The following NKAIN4 variants were observed in gnomAD, a reference collection of about 807,000 sequenced individuals.
The protein encoded by NKAIN4 is sodium/potassium transporting ATPase interacting 4.
Under a neutral mutation model 28.8 loss-of-function variants are expected in NKAIN4, and 28 were observed. The observed-to-expected ratio is 0.97, with a 90% CI of 0.72 to 1.33. The LOEUF (loss-of-function observed/expected upper bound fraction) is 1.33, where lower values mean the gene tolerates loss of function less well. NKAIN4 is among the 40% of genes most tolerant of loss of function. The pLI is 0.00. For synonymous variants in NKAIN4, 122 were observed against 115.6 expected, an observed-to-expected ratio of 1.06 and a Z score of -0.36; for missense variants, 289 against 277.2, an observed-to-expected ratio of 1.04 and a Z score of -0.30.
chr20:63,244,597 A>G, intron 4 of NKAIN4: 1 of 468,782 alleles, frequency 2.1e-6, no homozygotes, highest in Non-Finnish European at 4.4e-6. Context: ...CTCGGGGTCC[A>G]GCGGGCAACT....
intron 6 of NKAIN4, among the ~76,000 whole-genome samples, chr20:63,242,204 C>A (rs2066765769): frequency 1.3e-5 from 2 of 152,260 alleles, no homozygotes; most frequent in South Asian, 4.1e-4. Context: ...CCCTACAGCA[C>A]CCCCATGCCG....
At chr20:63,248,024 C>A in intron 3 of NKAIN4, 1 of 408,576 alleles carries the variant, frequency 2.4e-6, no homozygotes, top group East Asian at 3.9e-5. Flanking sequence ...GCCTCCCTGC[C>A]CAGACCCCAG....
In NKAIN4 at chr20:63,248,839, G is replaced by A; in HGVS notation, c.249C>T (p.Tyr83=). The A allele has an allele frequency of 6.2e-7, 1 of 1,612,706 alleles. No homozygotes were observed. Among genetic ancestry groups the A allele is most frequent in the Middle Eastern group, 1.6e-4 (1 of 6,062 alleles). The change falls in exon 3 of 7, where the codon TAC becomes TAT. Residue 83 remains tyrosine (Y), a synonymous_variant. Transcript: ENST00000370316. The part of the protein sequence containing the change: ...VTWNVFIICF[Y]LEVGGLLKDS... ...CCTTTAAGAGGCCACCGACTTCCAG[G>A]TAGAAGCAGATGATGAAGACGTTCC...
chr20:63,249,632 G>A (rs1282479506), intron 2 of NKAIN4, among the ~76,000 whole-genome samples: 1 of 152,320 alleles, frequency 6.6e-6, no homozygotes, highest in African/African-American at 2.4e-5. Flanking sequence ...CATCTGTAAA[G>A]CAGGGATCGT....
intron 4 of NKAIN4, chr20:63,246,579 C>G: frequency 3.0e-6 from 3 of 985,420 alleles, no homozygotes; most frequent in Non-Finnish European, 3.6e-6. Context: ...TCAGCTCCCA[C>G]CGCCAGCCGC....
Position 63,246,935 on chromosome 20 carries a change from G to A in NKAIN4, c.471+643C>T, listed in dbSNP as rs923986822. 1.6e-5 allele frequency: 16 copies of A among 985,942 alleles called. No homozygotes were observed. The South Asian group carries it at 5.6e-4, about 35-fold the overall frequency. The allele number at this position is 985,942 out of a possible 1,614,324, so 61.1% of individuals were successfully genotyped here. A position where few individuals can be genotyped will look rare whatever the true frequency, so the allele number is the denominator to read the frequency against. On this transcript the variant is annotated intron_variant, in intron 4 of 6. Coordinates refer to ENST00000370316, the MANE Select transcript of NKAIN4 (RefSeq NM_152864.4). ...GGAAGTGGCCGTGTGGCCATACCAG[G>A]AGCAGCATCGTAGCCCCTGTTCTCT... is the stretch of plus-strand genomic sequence containing the variant.
At position 63,248,926 on chromosome 20, in the gene NKAIN4, G is replaced by A. The variant is rs377071925; in HGVS notation, c.193-31C>T. On this transcript the variant is annotated intron_variant, in intron 2 of 6. Transcript: ENST00000370316. ...GAGAGGAGAGGATGGGGCGGCAGCTGAACACAGCTCCCGGGCACACCTGCT... is the reference window on the plus strand; with the variant it reads ...GAGAGGAGAGGATGGGGCGGCAGCTAAACACAGCTCCCGGGCACACCTGCT... 1.0e-4 allele frequency: 149 copies of A among 1,476,344 alleles called. 1 individual carries two copies. Among genetic ancestry groups the A allele is most frequent in the Non-Finnish European group, 1.3e-4 (133 of 1,057,496 alleles). The allele number at this position is 1,476,344 out of a possible 1,614,324, so 91.5% of individuals were successfully genotyped here.
intron 1 of NKAIN4, chr20:63,253,355 C>T: frequency 1.0e-6 from 1 of 985,406 alleles, no homozygotes; most frequent in Non-Finnish European, 1.2e-6. Flanking sequence ...AGGAAGGACA[C>T]GATGCCTCCG....
intron 1 of NKAIN4, chr20:63,253,069 G>T: frequency 3.1e-6 from 1 of 324,912 alleles, no homozygotes; most frequent in Non-Finnish European, 4.4e-6. Context: ...CTCCAAACTG[G>T]GGTACCGTCC....
In NKAIN4 at chr20:63,243,739, G is replaced by A. The variant is rs1459393186; in HGVS notation, c.532+285C>T. On this transcript the variant is annotated intron_variant, in intron 5 of 6. Coordinates refer to ENST00000370316, the MANE Select transcript of NKAIN4 (RefSeq NM_152864.4). ...CAGTCTGAGCTCAGACCTTCCTCCC[G>A]TGGCCACTGCGGGGATCATGAGGGC... is the stretch of plus-strand genomic sequence containing the variant. 8.5e-5 allele frequency: 26 copies of A among 304,180 alleles called. No individual in the cohort carries two copies. The East Asian group carries it at 1.3e-3, about 15-fold the overall frequency. The allele number at this position is 304,180 out of a possible 1,614,324, so 18.8% of individuals were successfully genotyped here.
upstream of NKAIN4, chr20:63,254,499 GC>G: frequency 1.7e-6 from 2 of 1,173,700 alleles, no homozygotes; most frequent in Non-Finnish European, 2.2e-6. Context: ...CTCGGCCCCC[GC>G]CCCCGCTCCG....
At chr20:63,246,198 G>A (rs932546338) in intron 4 of NKAIN4, among the ~76,000 whole-genome samples, 43 of 152,200 alleles carry the variant, frequency 2.8e-4, no homozygotes, top group African/African-American at 1.0e-3. Context: ...AAAGTGCTGG[G>A]ATTACAGGTG....
chr20:63,244,653 G>T, intron 4 of NKAIN4: 2 of 417,234 alleles, frequency 4.8e-6, no homozygotes, highest in Non-Finnish European at 9.9e-6. Flanking sequence ...GCAGGGGTCA[G>T]GCAGGGAGAG....
rs771027703 is a variant in NKAIN4, at chr20:63,252,701, C to G, written c.54+1696G>C. 6.6e-6 allele frequency among the ~76,000 whole-genome samples: 1 copy of G among 152,158 alleles called. No individual in the cohort carries two copies. The highest frequency in any genetic ancestry group is 6.5e-5 in the Admixed American group (1 of 15,280). The stretch of plus-strand genomic sequence containing the variant: ...GCTCTGCCCAGTCCCTGGAGAGTCC[C>G]CAGGTCTGCTAGTGAAGCCCTGCGG... On this transcript the variant is annotated intron_variant, in intron 1 of 6. Transcript: ENST00000370316. This position sits in a 1 kb window ranked among gnomAD's most constrained non-coding sequence, Gnocchi z 4.6.
intron 1 of NKAIN4, chr20:63,253,992 C>A (rs1275637353): frequency 5.6e-6 from 1 of 178,650 alleles, no homozygotes; most frequent in Non-Finnish European, 1.2e-5. Context: ...GCGCCCGGGG[C>A]CGGCTGCGGG....
chr20:63,254,141 T>C (rs1482344602), intron 1 of NKAIN4: 2 of 429,272 alleles, frequency 4.7e-6, no homozygotes, highest in African/African-American at 2.1e-5. Flanking sequence ...GCCCCGCACC[T>C]GTCCCCGCCG....
At chr20:63,249,825 T>G in intron 2 of NKAIN4, 110 bp downstream of exon 2, 1 of 1,181,690 alleles carries the variant, frequency 8.5e-7, no homozygotes, top group Non-Finnish European at 1.2e-6. Flanking sequence ...TTGGCATTTG[T>G]GGGGTGTTCA....
rs567350471 is a variant in NKAIN4 at position 63,241,673 on chromosome 20, C to T, written c.618-167G>A. 1,745 of 720,202 alleles carry T rather than the reference C, an allele frequency of 2.4e-3. 3 individuals carry two copies. Among genetic ancestry groups the T allele is most frequent in the Non-Finnish European group, 3.6e-3 (1,398 of 390,606 alleles). 44.6% of individuals were successfully genotyped at this position (720,202 alleles called of 1,614,324 possible). A position where few individuals can be genotyped will look rare whatever the true frequency, so the allele number is the denominator to read the frequency against. Reference sequence around the variant, plus strand: ...GGGTGGGACTGAGGCTCTGGAAAGCCCCCACTGCCTCTCTCTGTGCCGGCA... The same window carrying T: ...GGGTGGGACTGAGGCTCTGGAAAGCTCCCACTGCCTCTCTCTGTGCCGGCA... On this transcript the variant is annotated intron_variant, in intron 6 of 6. Coordinates refer to ENST00000370316, the MANE Select transcript of NKAIN4 (RefSeq NM_152864.4).
At chr20:63,243,402 A>G (rs2066796665) in intron 5 of NKAIN4, among the ~76,000 whole-genome samples, 1 of 151,818 alleles carries the variant, frequency 6.6e-6, no homozygotes, top group South Asian at 2.1e-4. Context: ...CCCCAGGGAG[A>G]GTTCTGTCCA....
Sources: gnomAD v4.1 joint callset for allele counts (sites outside exome capture counted in the v4.1 genomes callset) on GRCh38, gnomAD v4.1.1 for gene constraint, Gnocchi (gnomAD v3.1) non-coding constraint, MANE v1.5 for transcripts, NCBI Gene and HGNC (gene_info 2026-07-23, HGNC 2026-07-21) for gene names.